MYZAP: variants seen among roughly 807,000 people sequenced by gnomAD.
The protein encoded by MYZAP is GRINL1A complex locus upstream.
Under a neutral mutation model 69.4 loss-of-function variants are expected in MYZAP, and 66 were observed. The observed-to-expected ratio is 0.95, with a 90% CI of 0.78 to 1.17. MYZAP has a LOEUF of 1.17. Among genes scored for constraint, MYZAP ranks in the 50% most tolerant of loss-of-function variants. The pLI, the probability that MYZAP is intolerant of heterozygous loss-of-function variation, is 0.00. For missense variants in MYZAP, 611 were observed against 556.2 expected (o/e 1.10, Z -0.99); for synonymous variants, 256 against 205.9 (o/e 1.24, Z -2.09).
chr15:57,632,541 T>G lies in MYZAP; in HGVS notation c.786T>G (p.Ala262=). 6.2e-7 allele frequency: 1 copy of G among 1,614,180 alleles called. No homozygotes were observed. Among genetic ancestry groups the G allele is most frequent in the Non-Finnish European group, 8.5e-7 (1 of 1,180,014 alleles). The change falls in exon 7 of 13, where the codon GCT becomes GCG. Residue 262 remains alanine, a synonymous_variant. Coordinates refer to ENST00000267853, the MANE Select transcript of MYZAP (RefSeq NM_001018100.5). The stretch of plus-strand genomic sequence containing the variant: ...AGGAAGAACAGAGGAAGCACAGTGC[T>G]GAGAAGGAGGCTCTTTTGGTGTGTG... ...KLQEEQRKHS[A]EKEALLEETN...
chr15:57,632,456 A>G lies in MYZAP; in HGVS notation c.701A>G (p.Asn234Ser), dbSNP rs371110624. The change falls in exon 7 of 13, where the codon AAT becomes AGT. Residue 234 changes from asparagine (N) to serine (S), a missense_variant. Transcript: ENST00000267853. ...KMKVESSQEA[N>S]AEVMREMTKK... is the part of the protein sequence containing the mutation. ...TAGGTGGAATCGTCCCAAGAAGCCA[A>G]TGCTGAGGTGATGCGAGAGATGACC... 16 of 1,614,072 alleles carry G rather than the reference A, an allele frequency of 9.9e-6. No homozygotes were observed. Among genetic ancestry groups the G allele is most frequent in the Non-Finnish European group, 1.1e-5 (13 of 1,180,028 alleles).
intron 4 of MYZAP, among the ~76,000 whole-genome samples, chr15:57,623,566 C>G (rs1263152557): frequency 6.6e-6 from 1 of 151,960 alleles, no homozygotes; most frequent in East Asian, 1.9e-4. Context: ...AACCCTGTCT[C>G]TACTAAAAAT....
At chr15:57,623,700 T>C (rs1417768363) in intron 4 of MYZAP, among the ~76,000 whole-genome samples, 1 of 148,310 alleles carries the variant, frequency 6.7e-6, no homozygotes, top group Non-Finnish European at 1.5e-5. Flanking sequence ...GCCACTGCAC[T>C]CCAGTCTGGG....
intron 10 of MYZAP, among the ~76,000 whole-genome samples, chr15:57,641,114 A>G (rs1034535555): frequency 6.6e-6 from 1 of 152,024 alleles, no homozygotes; most frequent in Non-Finnish European, 1.5e-5. Context: ...CATTTCTCCC[A>G]CCTCACCACA....
chr15:57,661,339 G>T, intron 10 of MYZAP, 111 bp from the exon 11 acceptor site: 1 of 835,558 alleles, frequency 1.2e-6, no homozygotes, highest in Non-Finnish European at 1.9e-6. Flanking sequence ...AGGAAAAATA[G>T]AAATAGAAAT....
chr15:57,661,641 T>C lies in MYZAP; in HGVS notation c.1203+108T>C, dbSNP rs545894633. ...AAAATATGGCTATTTCCCGGCCTTA[T>C]AAAATTGATTGAGGGTTAAGTGCCA... is the stretch of plus-strand genomic sequence containing the variant. On this transcript the variant is annotated intron_variant, in intron 11 of 12. Coordinates refer to ENST00000267853, the MANE Select transcript of MYZAP (RefSeq NM_001018100.5). 6.0e-5 allele frequency: 59 copies of C among 988,894 alleles called. 1 individual carries two copies. Among genetic ancestry groups the C allele is most frequent in the Non-Finnish European group, 8.0e-5 (55 of 691,396 alleles). The allele number at this position is 988,894 out of a possible 1,614,324, so 61.3% of individuals were successfully genotyped here. A position where few individuals can be genotyped will look rare whatever the true frequency, so the allele number is the denominator to read the frequency against.
chr15:57,679,608 C>G (rs2039328809), intron 12 of MYZAP, among the ~76,000 whole-genome samples: 1 of 152,120 alleles, frequency 6.6e-6, no homozygotes, highest in African/African-American at 2.4e-5. Flanking sequence ...CAGGACTTTT[C>G]TCTCCTGGTT....
Position 57,614,441 on chromosome 15 carries a change from C to T in MYZAP, c.163-3592C>T, listed in dbSNP as rs140618250. On this transcript the variant is annotated intron_variant, in intron 2 of 12. Transcript: ENST00000267853. The stretch of plus-strand genomic sequence containing the variant: ...GTGGGGAAGTGCTGTGAGAGTGAAC[C>T]GAGAAGACCTCAGGGGTCTGAAGGG... Among the ~76,000 whole-genome samples, 235 of 152,284 alleles carry T rather than the reference C, an allele frequency of 1.5e-3. 2 individuals carry two copies. In the East Asian group the frequency reaches 0.02, roughly 13 times the overall value.
intron 3 of MYZAP, among the ~76,000 whole-genome samples, chr15:57,619,596 C>G (rs1405443171): frequency 6.6e-6 from 1 of 152,208 alleles, no homozygotes; most frequent in Non-Finnish European, 1.5e-5. Flanking sequence ...AAGTGAACCT[C>G]CCACCTCAGT....
rs117997499 is a variant in MYZAP, at chr15:57,643,024, T to C, written c.1119+3479T>C. 7.5e-3 allele frequency among the ~76,000 whole-genome samples: 1,146 copies of C among 152,272 alleles called. 10 individuals are homozygous for C. The highest frequency in any genetic ancestry group is 0.049 in the South Asian group (234 of 4,822). On this transcript the variant is annotated intron_variant, in intron 10 of 12. Transcript: ENST00000267853. ...CACTAGGCTAGGGCTTTCTACTGAATTAAGTCTCCTGTCATGGATGTCAGG... is the reference window on the plus strand; with the variant it reads ...CACTAGGCTAGGGCTTTCTACTGAACTAAGTCTCCTGTCATGGATGTCAGG...
At chr15:57,636,910 TA>T (rs2036851461) in intron 8 of MYZAP, among the ~76,000 whole-genome samples, 1 of 152,194 alleles carries the variant, frequency 6.6e-6, no homozygotes, top group African/African-American at 2.4e-5. Flanking sequence ...TCAGAAGTGC[TA>T]AAATCCAGGT....
At chr15:57,656,691 C>T (rs1311744576) in intron 10 of MYZAP, among the ~76,000 whole-genome samples, 5 of 152,234 alleles carry the variant, frequency 3.3e-5, no homozygotes, top group Non-Finnish European at 5.9e-5. Flanking sequence ...CCCTTGGGGC[C>T]GGCAGTGCAC....
chr15:57,627,613 C>G (rs552928774), intron 5 of MYZAP, among the ~76,000 whole-genome samples: 1 of 152,234 alleles, frequency 6.6e-6, no homozygotes, highest in African/African-American at 2.4e-5. Context: ...ACTCTGTCCA[C>G]TTTCATTATT....
chr15:57,617,423 A>C (rs1317722071), intron 2 of MYZAP, among the ~76,000 whole-genome samples: 3 of 152,196 alleles, frequency 2.0e-5, no homozygotes, highest in Non-Finnish European at 4.4e-5. Flanking sequence ...CAAAACTTTA[A>C]CTGAAGGAAT....
chr15:57,632,335 T>C, intron 6 of MYZAP, 99 bp from the exon 7 acceptor site: 1 of 1,567,088 alleles, frequency 6.4e-7, no homozygotes, highest in Non-Finnish European at 8.7e-7. Context: ...GTGGATGGGC[T>C]CACTACCTCT....
intron 3 of MYZAP, among the ~76,000 whole-genome samples, chr15:57,620,846 T>C (rs1173405888): frequency 1.3e-5 from 2 of 152,076 alleles, no homozygotes; most frequent in African/African-American, 4.8e-5. Context: ...TAAAAACATG[T>C]GATGGGAAAA....
intron 1 of MYZAP, among the ~76,000 whole-genome samples, chr15:57,602,351 C>G (rs2034468312): frequency 6.6e-6 from 1 of 152,200 alleles, no homozygotes; most frequent in Non-Finnish European, 1.5e-5. Flanking sequence ...AAGGAACTCT[C>G]TGTTCCAGGC....
rs539631957 is a variant in MYZAP at position 57,677,847 on chromosome 15, A to G, written c.1304+2779A>G. On this transcript the variant is annotated intron_variant, in intron 12 of 12. Coordinates refer to ENST00000267853, the MANE Select transcript of MYZAP (RefSeq NM_001018100.5). ...TCAACTCTTTCATCTTTAAACTAAG[A>G]ATGAAGAGGATAATATCAAACCTCA... Among the ~76,000 whole-genome samples, 10 of 152,228 alleles carry G rather than the reference A, an allele frequency of 6.6e-5. No homozygotes were observed. The South Asian group carries it at 1.0e-3, about 16-fold the overall frequency.
At chr15:57,621,031 T>G (rs1367014677) in intron 3 of MYZAP, among the ~76,000 whole-genome samples, 3 of 148,170 alleles carry the variant, frequency 2.0e-5, no homozygotes, top group African/African-American at 7.3e-5. Flanking sequence ...TATATTAATA[T>G]ATGCCTATAT....
Sources: gnomAD v4.1 joint callset for allele counts (sites outside exome capture counted in the v4.1 genomes callset) on GRCh38, gnomAD v4.1.1 for gene constraint, MANE v1.5 for transcripts, NCBI Gene and HGNC (gene_info 2026-07-23, HGNC 2026-07-21) for gene names.